The following ABCC1 variants were observed in gnomAD, a reference collection of about 807,000 sequenced individuals.
ABCC1 encodes ATP binding cassette subfamily C member 1 (ABCC1 blood group).
ABCC1 carries 83 observed loss-of-function variants against 172.9 expected under a neutral mutation model. The ratio of observed to expected loss-of-function variants is 0.48; its 90% confidence interval spans 0.40 to 0.58. The LOEUF (loss-of-function observed/expected upper bound fraction) is 0.58. Ranked by LOEUF, ABCC1 falls within the 20% of genes least tolerant of loss-of-function variation. The pLI, the probability that ABCC1 is intolerant of heterozygous loss-of-function variation, is 0.00. For missense variants in ABCC1, 1,817 were observed against 2,002.7 expected (o/e 0.91, Z 1.77); for synonymous variants, 937 against 825.2 (o/e 1.14, Z -2.32).
intron 22 of ABCC1, among the ~76,000 whole-genome samples, chr16:16,112,387 A>AC (rs59257264): frequency 0.015 from 2,252 of 151,182 alleles, 74 homozygotes; most frequent in African/African-American, 0.052. Context: ...AAAAAAAAAA[A>AC]CCCTGCTCTA....
intron 4 of ABCC1, 67 bp from the exon 5 acceptor site, chr16:16,016,429 C>T (rs978796733): frequency 9.4e-5 from 150 of 1,593,952 alleles, no homozygotes; most frequent in Non-Finnish European, 1.2e-4. Context: ...GCTAGGATTA[C>T]AGGCGTGAGC....
chr16:16,130,052 A>C (rs1264572701), intron 26 of ABCC1, among the ~76,000 whole-genome samples: 2 of 152,242 alleles, frequency 1.3e-5, no homozygotes, highest in African/African-American at 2.4e-5. Flanking sequence ...TGTGGGCCTC[A>C]GGAAATGCTG....
chr16:15,965,024 G>C (rs1488107557), intron 1 of ABCC1, among the ~76,000 whole-genome samples: 1 of 151,928 alleles, frequency 6.6e-6, no homozygotes, highest in Non-Finnish European at 1.5e-5. Context: ...TAAATATTTT[G>C]TTACAGGCTA....
At chr16:16,089,321 T>C (rs1178446610) in intron 18 of ABCC1, among the ~76,000 whole-genome samples, 1 of 152,086 alleles carries the variant, frequency 6.6e-6, no homozygotes, top group East Asian at 1.9e-4. Flanking sequence ...CAAGGGCGAA[T>C]GGATCGCTTC....
At chr16:16,009,227 G>A (rs575910436) in intron 2 of ABCC1, among the ~76,000 whole-genome samples, 1 of 152,036 alleles carries the variant, frequency 6.6e-6, no homozygotes, top group Non-Finnish European at 1.5e-5. Context: ...CCAAAGTGCT[G>A]GTATTACAGG....
intron 1 of ABCC1, among the ~76,000 whole-genome samples, chr16:15,962,932 T>A (rs2046167905): frequency 6.6e-6 from 1 of 152,188 alleles, no homozygotes; most frequent in Admixed American, 6.5e-5. Flanking sequence ...AAGTCTTAAC[T>A]CATTTCAGCA....
chr16:16,114,340 T>G (rs998461608), intron 22 of ABCC1, among the ~76,000 whole-genome samples: 4 of 151,950 alleles, frequency 2.6e-5, no homozygotes, highest in African/African-American at 9.7e-5. Flanking sequence ...TCATTATTAT[T>G]ACTATTTTTT....
chr16:16,079,535 C>T, intron 16 of ABCC1, 57 bp downstream of exon 16: 3 of 1,567,334 alleles, frequency 1.9e-6, no homozygotes, highest in Non-Finnish European at 2.6e-6. Context: ...TGAGGAAAAG[C>T]TCAGAAATGA....
At chr16:15,977,543 C>G (rs931287101) in intron 1 of ABCC1, among the ~76,000 whole-genome samples, 1 of 152,148 alleles carries the variant, frequency 6.6e-6, no homozygotes, top group African/African-American at 2.4e-5. Flanking sequence ...GCTTATACCC[C>G]CTAAGCTTGT....
intron 6 of ABCC1, among the ~76,000 whole-genome samples, chr16:16,033,432 T>C (rs191183734): frequency 6.6e-6 from 1 of 152,340 alleles, no homozygotes; most frequent in Admixed American, 6.5e-5. Flanking sequence ...GACAGCCATA[T>C]GCTGGACTGC....
intron 29 of ABCC1, 55 bp downstream of exon 29, chr16:16,136,699 G>T: frequency 5.7e-6 from 9 of 1,576,736 alleles, no homozygotes; most frequent in Non-Finnish European, 7.8e-6. Context: ...CGCCATCTCG[G>T]TAGGGGTGTT....
chr16:15,957,211 C>G lies in ABCC1; in HGVS notation c.48+7412C>G, dbSNP rs536724432. ...TCTCCCACTTCAGCTCCCCAGGTAG[C>G]TGGGACTACAGGCACACACCACCAT... On this transcript the variant is annotated intron_variant, in intron 1 of 30. Coordinates refer to ENST00000399410, the MANE Select transcript of ABCC1 (RefSeq NM_004996.4). Among the ~76,000 whole-genome samples, 66 of 151,478 alleles carry G rather than the reference C, an allele frequency of 4.4e-4. 2 individuals are homozygous for G. Among genetic ancestry groups the G allele is most frequent in the Admixed American group, 3.8e-3 (58 of 15,182 alleles).
intron 1 of ABCC1, among the ~76,000 whole-genome samples, chr16:16,007,214 T>TTTTG (rs1555480444): frequency 6.9e-6 from 1 of 145,774 alleles, no homozygotes; most frequent in African/African-American, 2.6e-5. Context: ...GTATGCACTG[T>TTTTG]TGTGTGTGTG....
At chr16:16,053,802 A>G (rs1355602490) in intron 11 of ABCC1, among the ~76,000 whole-genome samples, 1 of 140,916 alleles carries the variant, frequency 7.1e-6, no homozygotes, top group Non-Finnish European at 1.5e-5. Context: ...AAAAAAAAAA[A>G]AAAAAAAAAA....
At position 16,102,700 on chromosome 16, in the gene ABCC1, A is replaced by G; in HGVS notation, c.2718A>G (p.Ala906=). 1.3e-6 allele frequency: 2 copies of G among 1,583,540 alleles called. No homozygotes were observed. Among genetic ancestry groups the G allele is most frequent in the Non-Finnish European group, 1.7e-6 (2 of 1,164,474 alleles). The change falls in exon 20 of 31, where the codon GCA becomes GCG. Residue 906 remains alanine (A), a synonymous_variant. Coordinates refer to ENST00000399410, the MANE Select transcript of ABCC1 (RefSeq NM_004996.4). ...MENGMLVTDS[A]GKQLQRQLSS... ...ATGGCATGCTGGTGACGGACAGTGC[A>G]GGGAAGCAACTGCAGAGGTAAGGGC...
At chr16:16,107,921 G>A (rs1312892138) in intron 21 of ABCC1, among the ~76,000 whole-genome samples, 1 of 151,510 alleles carries the variant, frequency 6.6e-6, no homozygotes, top group Non-Finnish European at 1.5e-5. Flanking sequence ...TGGTAGCCGG[G>A]GAGTGGGGCT....
At chr16:16,101,963 A>C (rs1022074046) in intron 19 of ABCC1, among the ~76,000 whole-genome samples, 7 of 151,988 alleles carry the variant, frequency 4.6e-5, no homozygotes, top group Admixed American at 4.6e-4. Context: ...TCATCTGAAG[A>C]CTCAATCAGG....
intron 3 of ABCC1, among the ~76,000 whole-genome samples, chr16:16,013,284 T>C (rs2047863758): frequency 6.6e-6 from 1 of 151,658 alleles, no homozygotes. Context: ...TTTTTTTTTT[T>C]CTTTGAGATA....
At chr16:16,033,905 G>T (rs909937494) in intron 6 of ABCC1, among the ~76,000 whole-genome samples, 1 of 151,736 alleles carries the variant, frequency 6.6e-6, no homozygotes, top group African/African-American at 2.4e-5. Flanking sequence ...GATTACAGGT[G>T]TGAGCCACCA....
Sources: gnomAD v4.1 joint callset for allele counts (sites outside exome capture counted in the v4.1 genomes callset) on GRCh38, gnomAD v4.1.1 for gene constraint, MANE v1.5 for transcripts, NCBI Gene and HGNC (gene_info 2026-07-23, HGNC 2026-07-21) for gene names.